RAB1A: variants seen among roughly 807,000 people sequenced by gnomAD.
RAB1A encodes the protein ras-related protein Rab-1A.
Under a neutral mutation model 26.0 loss-of-function variants are expected in RAB1A, and 2 were observed. The ratio of observed to expected loss-of-function variants is 0.08; its 90% confidence interval spans 0.03 to 0.24. The LOEUF (loss-of-function observed/expected upper bound fraction) is 0.24, where lower values mean the gene tolerates loss of function less well. Ranked by LOEUF, RAB1A falls within the 10% of genes least tolerant of loss-of-function variation. The pLI, the probability that RAB1A is intolerant of heterozygous loss-of-function variation, is 1.00. For missense variants in RAB1A, 100 were observed against 247.0 expected (o/e 0.40, Z 3.99); for synonymous variants, 84 against 84.9 (o/e 0.99, Z 0.06).
Position 65,088,704 on chromosome 2 carries a change from G to T in RAB1A, c.421-14C>A. 2 of 1,585,940 alleles carry T rather than the reference G, an allele frequency of 1.3e-6. No individual in the cohort carries two copies. Among genetic ancestry groups the T allele is most frequent in the Non-Finnish European group, 1.7e-6 (2 of 1,162,788 alleles). ...ATCAGCAAATTCCTAAGAGAATAAT[G>T]AGGCACAATTAACACTGAAAAATCT... is the stretch of plus-strand genomic sequence containing the variant. On this transcript the variant is annotated splice_polypyrimidine_tract_variant and intron_variant, in intron 5 of 5. Coordinates refer to ENST00000409784, the MANE Select transcript of RAB1A (RefSeq NM_004161.5).
intron 1 of RAB1A, 107 bp from the exon 2 acceptor site, chr2:65,104,913 C>T (rs373964782): frequency 8.5e-6 from 8 of 940,382 alleles, no homozygotes; most frequent in African/African-American, 1.6e-5. Flanking sequence ...GTGAAGACTA[C>T]ATCTCCTATA....
intron 1 of RAB1A, among the ~76,000 whole-genome samples, chr2:65,116,800 C>T (rs1669838015): frequency 6.6e-6 from 1 of 152,250 alleles, no homozygotes; most frequent in South Asian, 2.1e-4. Flanking sequence ...CAAGTCACAA[C>T]TCCCAAAGCC....
intron 4 of RAB1A, 97 bp downstream of exon 4, chr2:65,090,886 C>T: frequency 1.4e-6 from 1 of 693,572 alleles, no homozygotes; most frequent in East Asian, 3.0e-5. Flanking sequence ...AAAATTAATA[C>T]TGATGGCTTA....
At chr2:65,110,433 C>A (rs1370053006) in intron 1 of RAB1A, among the ~76,000 whole-genome samples, 3 of 106,288 alleles carry the variant, frequency 2.8e-5, no homozygotes, top group Non-Finnish European at 2.0e-5. Context: ...AGAGCGAGAC[C>A]GTCTCAAAAA....
In RAB1A at chr2:65,094,766, C is replaced by T. The variant is rs537148724; in HGVS notation, c.192+3205G>A. Reference sequence around the variant, plus strand: ...GGCTCCAAATCAAGACAGGATTTACCTCATGTGTTATATCTCATACTTGAT... The same window carrying T: ...GGCTCCAAATCAAGACAGGATTTACTTCATGTGTTATATCTCATACTTGAT... On this transcript the variant is annotated intron_variant, in intron 3 of 5. Coordinates refer to ENST00000409784, the MANE Select transcript of RAB1A (RefSeq NM_004161.5). Among the ~76,000 whole-genome samples the T allele has an allele frequency of 2.6e-5, 4 of 152,118 alleles. No individual in the cohort carries two copies. In the South Asian group the frequency reaches 8.3e-4, roughly 32 times the overall value.
At position 65,087,607 on chromosome 2, in the gene RAB1A, A is replaced by T. The variant is rs1244838347; in HGVS notation, c.*886T>A. The T allele has an allele frequency of 6.6e-6, 1 of 152,608 alleles. No homozygotes were observed. Among genetic ancestry groups the T allele is most frequent in the Non-Finnish European group, 1.5e-5 (1 of 68,048 alleles). 9.5% of individuals were successfully genotyped at this position (152,608 alleles called of 1,614,324 possible). A position where few individuals can be genotyped will look rare whatever the true frequency, so the allele number is the denominator to read the frequency against. ...AGAAGGATCAGAGATAACGGGCTAG[A>T]TAGCATACATTCTAAACTTGTTTTA... On this transcript the variant is annotated 3_prime_UTR_variant, in exon 6 of 6. Coordinates refer to ENST00000409784, the MANE Select transcript of RAB1A (RefSeq NM_004161.5).
chr2:65,109,730 G>GA (rs1210476242), intron 1 of RAB1A, among the ~76,000 whole-genome samples: 1 of 151,142 alleles, frequency 6.6e-6, no homozygotes, highest in Non-Finnish European at 1.5e-5. Context: ...AAAGAGAAAG[G>GA]AAAAAAAAGA....
intron 1 of RAB1A, among the ~76,000 whole-genome samples, chr2:65,122,277 G>A (rs1203429234): frequency 1.3e-5 from 2 of 151,836 alleles, no homozygotes; most frequent in Non-Finnish European, 2.9e-5. Context: ...AGCCAAGCGT[G>A]GGGCTCATGC....
chr2:65,114,569 C>T (rs558081092), intron 1 of RAB1A, among the ~76,000 whole-genome samples: 4 of 152,250 alleles, frequency 2.6e-5, no homozygotes, highest in Non-Finnish European at 5.9e-5. Context: ...GGGGGCCGGG[C>T]GCGGTGGCTC....
chr2:65,108,623 A>G (rs1375217160), intron 1 of RAB1A, among the ~76,000 whole-genome samples: 1 of 151,938 alleles, frequency 6.6e-6, no homozygotes, highest in East Asian at 1.9e-4. Flanking sequence ...CCTGGCCAAC[A>G]TGGTGCAATC....
chr2:65,125,770 C>T (rs945309260), intron 1 of RAB1A, among the ~76,000 whole-genome samples: 1 of 147,942 alleles, frequency 6.8e-6, no homozygotes, highest in Non-Finnish European at 1.5e-5. Flanking sequence ...AAACGTAGCT[C>T]AAAAAAAATC....
At chr2:65,121,532 A>C (rs568246116) in intron 1 of RAB1A, among the ~76,000 whole-genome samples, 3 of 152,250 alleles carry the variant, frequency 2.0e-5, no homozygotes, top group Non-Finnish European at 2.9e-5. Context: ...TCTGTACCCT[A>C]TCTCTCACAT....
intron 1 of RAB1A, chr2:65,113,993 C>A: frequency 4.4e-6 from 1 of 229,206 alleles, no homozygotes; most frequent in Non-Finnish European, 9.3e-6. Context: ...AATGACTTAA[C>A]ACCCTTACAA....
chr2:65,119,657 A>G (rs1217864044), intron 1 of RAB1A, among the ~76,000 whole-genome samples: 2 of 151,788 alleles, frequency 1.3e-5, no homozygotes, highest in Non-Finnish European at 2.9e-5. Context: ...CTGACCAAAT[A>G]CAAAGAAAAG....
chr2:65,122,688 C>T (rs1032105716), intron 1 of RAB1A, among the ~76,000 whole-genome samples: 1 of 151,904 alleles, frequency 6.6e-6, no homozygotes, highest in Non-Finnish European at 1.5e-5. Flanking sequence ...CAAAAGAAAG[C>T]TATTCTGGCC....
chr2:65,102,706 T>A (rs946105261), intron 2 of RAB1A, among the ~76,000 whole-genome samples: 1 of 151,020 alleles, frequency 6.6e-6, no homozygotes, highest in East Asian at 1.9e-4. Context: ...GACAAGCGGA[T>A]CACGAAGTCA....
intron 2 of RAB1A, among the ~76,000 whole-genome samples, chr2:65,101,211 T>G (rs751860562): frequency 6.6e-6 from 1 of 152,018 alleles, no homozygotes; most frequent in Non-Finnish European, 1.5e-5. Context: ...TTTACTCCCA[T>G]GCCTGAGCCG....
intron 2 of RAB1A, among the ~76,000 whole-genome samples, chr2:65,103,789 C>T (rs114597195): frequency 6.8e-6 from 1 of 147,878 alleles, no homozygotes; most frequent in African/African-American, 2.5e-5. Context: ...TATTTTTTTT[C>T]TTTTTTTTTT....
chr2:65,101,473 T>G (rs965220468), intron 2 of RAB1A, among the ~76,000 whole-genome samples: 7 of 152,132 alleles, frequency 4.6e-5, no homozygotes, highest in Non-Finnish European at 7.4e-5. Context: ...GGGATCAGCA[T>G]TTTAAAAATA....
Sources: gnomAD v4.1 joint callset for allele counts (sites outside exome capture counted in the v4.1 genomes callset) on GRCh38, gnomAD v4.1.1 for gene constraint, MANE v1.5 for transcripts, NCBI Gene and HGNC (gene_info 2026-07-23, HGNC 2026-07-21) for gene names.